Variants in ARHGAP15 observed in about 807,000 individuals in gnomAD.
ARHGAP15 encodes the protein Rho GTPase activating protein 15.
ARHGAP15 carries 51 observed loss-of-function variants against 63.7 expected under a neutral mutation model. The ratio of observed to expected loss-of-function variants is 0.80; its 90% confidence interval spans 0.64 to 1.01. The LOEUF is 1.01. Among genes scored for constraint, ARHGAP15 ranks in the 50% least tolerant of loss-of-function variants. The probability of loss-of-function intolerance (pLI) is 0.00; values close to 1 mark genes in which losing one functional copy is unlikely to be tolerated. For missense variants in ARHGAP15, 560 were observed against 564.6 expected (o/e 0.99, Z 0.08); for synonymous variants, 191 against 193.8 (o/e 0.99, Z 0.12).
chr2:143,303,018 G>A (rs906486540), intron 6 of ARHGAP15, among the ~76,000 whole-genome samples: 1 of 152,008 alleles, frequency 6.6e-6, no homozygotes, highest in African/African-American at 2.4e-5. Flanking sequence ...CTGAAAGTAT[G>A]AATTAAAGAC....
chr2:143,169,862 T>A (rs938731294), intron 2 of ARHGAP15, among the ~76,000 whole-genome samples: 3 of 151,972 alleles, frequency 2.0e-5, no homozygotes, highest in Non-Finnish European at 2.9e-5. Flanking sequence ...GGTTCAATAA[T>A]CTGACCAGTA....
intron 11 of ARHGAP15, chr2:143,608,153 A>G (rs1449114767): frequency 6.6e-6 from 1 of 152,178 alleles, no homozygotes; most frequent in East Asian, 1.9e-4. Flanking sequence ...GGTTACTCAG[A>G]ATTTTATGCA....
intron 12 of ARHGAP15, among the ~76,000 whole-genome samples, chr2:143,662,027 A>G (rs1173857196): frequency 2.0e-5 from 3 of 152,236 alleles, no homozygotes; most frequent in Non-Finnish European, 4.4e-5. Context: ...TTGCTTAGGT[A>G]AACATAGCAG....
intron 13 of ARHGAP15, among the ~76,000 whole-genome samples, chr2:143,750,074 A>G (rs1686312695): frequency 6.6e-6 from 1 of 152,248 alleles, no homozygotes; most frequent in South Asian, 2.1e-4. Context: ...GTGGAAAACC[A>G]GTGAGTTCTA....
intron 12 of ARHGAP15, among the ~76,000 whole-genome samples, chr2:143,701,238 A>G (rs962530125): frequency 5.3e-5 from 8 of 151,970 alleles, no homozygotes; most frequent in Admixed American, 2.0e-4. Context: ...AATTCCTTAT[A>G]AAAAAATTCT....
chr2:143,330,061 C>T (rs1438583348), intron 6 of ARHGAP15, among the ~76,000 whole-genome samples: 3 of 114,124 alleles, frequency 2.6e-5, no homozygotes, highest in African/African-American at 7.0e-5. Flanking sequence ...CACTACACTC[C>T]AGCAGCCTGG....
intron 6 of ARHGAP15, among the ~76,000 whole-genome samples, chr2:143,392,138 A>C (rs1028109100): frequency 3.9e-5 from 6 of 152,212 alleles, no homozygotes; most frequent in Non-Finnish European, 7.3e-5. Context: ...TACATGATAC[A>C]GTTCTTGTGA....
intron 6 of ARHGAP15, among the ~76,000 whole-genome samples, chr2:143,413,364 C>T (rs1045105601): frequency 6.6e-6 from 1 of 152,126 alleles, no homozygotes; most frequent in Admixed American, 6.5e-5. Flanking sequence ...CTTCAGGATC[C>T]CAACTGAATG....
intron 6 of ARHGAP15, among the ~76,000 whole-genome samples, chr2:143,353,350 C>A (rs2105319365): frequency 6.6e-6 from 1 of 152,210 alleles, no homozygotes; most frequent in Admixed American, 6.5e-5. Flanking sequence ...ATTAGTCCAG[C>A]CCTTTAAGAG....
intron 13 of ARHGAP15, 84 bp downstream of exon 13, chr2:143,703,608 A>T: frequency 1.9e-6 from 2 of 1,080,788 alleles, no homozygotes; most frequent in Non-Finnish European, 2.7e-6. Context: ...CTAAGGCAAG[A>T]GTTTCCAAAT....
intron 6 of ARHGAP15, among the ~76,000 whole-genome samples, chr2:143,342,362 A>G (rs1320476838): frequency 6.6e-6 from 1 of 152,086 alleles, no homozygotes; most frequent in Admixed American, 6.6e-5. Flanking sequence ...ATAATATTTC[A>G]TAAGAAAAAG....
At chr2:143,501,958 C>A (rs1460620159) in intron 9 of ARHGAP15, among the ~76,000 whole-genome samples, 2 of 152,112 alleles carry the variant, frequency 1.3e-5, no homozygotes, top group South Asian at 2.1e-4. Flanking sequence ...GAGCTGTGGC[C>A]TCAAAGGTAT....
In ARHGAP15 at chr2:143,323,560, A is replaced by G. The variant is rs139867415; in HGVS notation, c.474+72960A>G. ...ATTGAAAAATCAGTCTTACCTCAAA[A>G]ATGATTCAGTGGCCCATTCTGTTTT... On this transcript the variant is annotated intron_variant, in intron 6 of 13. Coordinates refer to ENST00000295095, the MANE Select transcript of ARHGAP15 (RefSeq NM_018460.4). 3.1e-3 allele frequency among the ~76,000 whole-genome samples: 465 copies of G among 152,262 alleles called. 4 individuals carry two copies. Among genetic ancestry groups the G allele is most frequent in the African/African-American group, 0.011 (448 of 41,558 alleles).
At chr2:143,575,427 G>T (rs1442807762) in intron 11 of ARHGAP15, among the ~76,000 whole-genome samples, 4 of 152,090 alleles carry the variant, frequency 2.6e-5, no homozygotes, top group African/African-American at 9.7e-5. Context: ...TTTGATGAGA[G>T]AACCAGGATT....
intron 12 of ARHGAP15, among the ~76,000 whole-genome samples, chr2:143,631,739 C>T (rs1389256861): frequency 6.6e-6 from 1 of 152,020 alleles, no homozygotes; most frequent in East Asian, 1.9e-4. Flanking sequence ...AATATTTTCA[C>T]CCATTCTATG....
chr2:143,346,247 C>CAA (rs1234868784), intron 6 of ARHGAP15, among the ~76,000 whole-genome samples: 3 of 142,290 alleles, frequency 2.1e-5, no homozygotes, highest in African/African-American at 8.6e-5. Context: ...CACACACACA[C>CAA]ACTCACACAC....
intron 11 of ARHGAP15, among the ~76,000 whole-genome samples, chr2:143,575,913 A>G (rs190055296): frequency 1.6e-3 from 237 of 152,226 alleles, no homozygotes; most frequent in African/African-American, 5.4e-3. Flanking sequence ...CTGGGGGCAA[A>G]AGGGAAGGAA....
chr2:143,546,855 G>C (rs982918928), intron 10 of ARHGAP15, among the ~76,000 whole-genome samples: 1 of 151,950 alleles, frequency 6.6e-6, no homozygotes. Flanking sequence ...TTTTCTTCAA[G>C]GCAACAGCTC....
chr2:143,611,097 C>G (rs926205142), intron 11 of ARHGAP15, among the ~76,000 whole-genome samples: 1 of 152,076 alleles, frequency 6.6e-6, no homozygotes, highest in African/African-American at 2.4e-5. Flanking sequence ...TGGAATTTAC[C>G]TTCCCAACCA....
Sources: gnomAD v4.1 joint callset for allele counts (sites outside exome capture counted in the v4.1 genomes callset) on GRCh38, gnomAD v4.1.1 for gene constraint, MANE v1.5 for transcripts, NCBI Gene and HGNC (gene_info 2026-07-23, HGNC 2026-07-21) for gene names.